The following NF1 variants were observed in gnomAD, a reference collection of about 807,000 sequenced individuals.
NF1 encodes neurofibromin.
In NF1, 122 loss-of-function variants were observed where a neutral mutation model predicts 325.7. The observed-to-expected ratio is 0.37, with a 90% confidence interval of 0.32 to 0.44. NF1 has a LOEUF of 0.44. NF1 is among the 20% of genes least tolerant of loss of function. NF1 has a pLI of 1.00. For synonymous variants in NF1, 1,091 were observed against 1,186.0 expected (o/e 0.92, Z 1.65); for missense variants, 2,140 against 3,415.4 (o/e 0.63, Z 9.31).
rs959783107 is a variant in NF1, at chr17:31,373,889, C to T, written c.8378-124C>T. ...GTAAGTACACTCCACAATATTTGCACAGACAAAATCGCCTAATGATTGTTT... is the reference window on the plus strand; with the variant it reads ...GTAAGTACACTCCACAATATTTGCATAGACAAAATCGCCTAATGATTGTTT... On this transcript the variant is annotated intron_variant, in intron 57 of 57. Coordinates refer to ENST00000358273, the MANE Select transcript of NF1 (RefSeq NM_001042492.3). 3 of 1,212,358 alleles carry T rather than the reference C, an allele frequency of 2.5e-6. No individual in the cohort carries two copies. The African/African-American group carries it at 4.5e-5, about 18-fold the overall frequency. The allele number at this position is 1,212,358 out of a possible 1,614,324, so 75.1% of individuals were successfully genotyped here.
intron 14 of NF1, among the ~76,000 whole-genome samples, chr17:31,220,901 C>T (rs901782913): frequency 6.6e-6 from 1 of 151,822 alleles, no homozygotes. Context: ...GTTGTTTTTC[C>T]TTGATATGAG....
chr17:31,143,291 G>A (rs138349673), intron 1 of NF1, among the ~76,000 whole-genome samples: 1,519 of 151,726 alleles, frequency 0.01, 32 homozygotes, highest in African/African-American at 0.033. Flanking sequence ...TCTTTGAGAC[G>A]GGTCTTGTTC....
chr17:31,227,329 C>T lies in NF1; in HGVS notation c.2325+38C>T, dbSNP rs754673161. On this transcript the variant is annotated intron_variant, in intron 19 of 57. Transcript: ENST00000358273. ...CAACAGAAACACCCCTCCCAGGCGCCCACCCTCAATTTGGAAGCCTCTTGT... is the reference window on the plus strand; with the variant it reads ...CAACAGAAACACCCCTCCCAGGCGCTCACCCTCAATTTGGAAGCCTCTTGT... The T allele has an allele frequency of 3.3e-5, 53 of 1,604,376 alleles. 1 individual carries two copies. The Middle Eastern group carries it at 9.9e-4, about 30-fold the overall frequency.
chr17:31,289,780 T>G (rs767982452), intron 36 of NF1, among the ~76,000 whole-genome samples: 2 of 152,208 alleles, frequency 1.3e-5, no homozygotes, highest in South Asian at 2.1e-4. Context: ...GGCAAAAGTT[T>G]AAATGCCTTA....
At position 31,326,078 on chromosome 17, in the gene NF1, T is replaced by G; in HGVS notation, c.5094T>G (p.Thr1698=). Residue 1698 remains threonine (T), a synonymous_variant, in exon 37 of 58, where the codon ACT becomes ACG. Coordinates refer to ENST00000358273, the MANE Select transcript of NF1 (RefSeq NM_001042492.3). ...CCAAGTATCATGAGCGGCTGCTGACTGGCCTCAAAGGTAGCAAAAGGCTTG... is the reference window on the plus strand; with the variant it reads ...CCAAGTATCATGAGCGGCTGCTGACGGGCCTCAAAGGTAGCAAAAGGCTTG... ...EYTKYHERLL[T]GLKGSKRLVF... The G allele has an allele frequency of 6.2e-7, 1 of 1,614,036 alleles. No homozygotes were observed. The highest frequency in any genetic ancestry group is 2.2e-5 in the East Asian group (1 of 44,880).
At chr17:31,141,988 AC>A (rs1412169302) in intron 1 of NF1, among the ~76,000 whole-genome samples, 3 of 152,040 alleles carry the variant, frequency 2.0e-5, no homozygotes, top group African/African-American at 7.2e-5. Context: ...TTTAATGTAA[AC>A]CCTACCCCCA....
At chr17:31,319,569 CT>C (rs955287888) in intron 36 of NF1, among the ~76,000 whole-genome samples, 7 of 150,912 alleles carry the variant, frequency 4.6e-5, no homozygotes, top group Middle Eastern at 3.2e-3. Flanking sequence ...TCAAGGTGTT[CT>C]TTTTTTTTCT....
Position 31,163,372 on chromosome 17 carries a change from A to C in NF1, c.475A>C (p.Thr159Pro), listed in dbSNP as rs371192107. ...CAATGCAGTCTTTAGTCGCATTTCT[A>C]CCAGGTTAGTGTGTAAATCCACATG... ...NFNAVFSRIS[T>P]RLQELTVCSE... Residue 159 changes from threonine (T) to proline (P), a missense_variant, in exon 4 of 58, where the codon ACC (threonine) becomes CCC (proline). Physicochemically the swap from Thr to Pro is conservative, Grantham distance 38 (BLOSUM62 -1). Around this residue, in one of 10 missense-constraint regions of NF1, gnomAD observed 246 missense variants for 347.8 expected, o/e 0.71. Transcript: ENST00000358273. The C allele has an allele frequency of 6.2e-7, 1 of 1,613,990 alleles. No individual in the cohort carries two copies. Among genetic ancestry groups the C allele is most frequent in the Non-Finnish European group, 8.5e-7 (1 of 1,179,884 alleles).
chr17:31,151,167 G>C (rs1017496218), intron 1 of NF1, among the ~76,000 whole-genome samples: 2 of 152,090 alleles, frequency 1.3e-5, no homozygotes, highest in African/African-American at 4.8e-5. Flanking sequence ...TCTATGTTTA[G>C]ATACACAAAC....
intron 23 of NF1, 70 bp from the exon 24 acceptor site, chr17:31,230,772 C>A: frequency 8.5e-7 from 1 of 1,175,598 alleles, no homozygotes; most frequent in East Asian, 2.5e-5. Flanking sequence ...AGAAATCTTA[C>A]GTGACTAAAG....
rs367995992 is a variant in NF1, at chr17:31,287,265, T to C, written c.4835+21926T>C. Among the ~76,000 whole-genome samples, 32 of 152,372 alleles carry C rather than the reference T, an allele frequency of 2.1e-4. 1 individual carries two copies. The South Asian group carries it at 5.0e-3, about 24-fold the overall frequency. On this transcript the variant is annotated intron_variant, in intron 36 of 57. Transcript: ENST00000358273. ...GATAGTAATCATTAAAATGGTTATA[T>C]AGCACCCACAAAGTGCTTTAATATA...
rs535869486 is a variant in NF1 at position 31,225,114 on chromosome 17, G to A, written c.1865G>A (p.Cys622Tyr). 1.2e-6 allele frequency: 2 copies of A among 1,613,532 alleles called. No homozygotes were observed. Among genetic ancestry groups the A allele is most frequent in the South Asian group, 1.1e-5 (1 of 91,060 alleles). ...LKNKQADRSS[C>Y]HFLLFYGVGC... Reference sequence around the variant, plus strand: ...TTCTAGCAGGCAGATAGAAGTTCCTGTCACTTTCTCCTTTTTTACGGGGTA... The same window carrying A: ...TTCTAGCAGGCAGATAGAAGTTCCTATCACTTTCTCCTTTTTTACGGGGTA... The change falls in exon 17 of 58, where the codon TGT becomes TAT. Residue 622 changes from cysteine (C) to tyrosine (Y), a missense_variant. Cys to Tyr is a radical substitution (Grantham distance 194, BLOSUM62 -2). Around this residue, in one of 10 missense-constraint regions of NF1, gnomAD observed 45 missense variants for 42.5 expected, o/e 1.06. Coordinates refer to ENST00000358273, the MANE Select transcript of NF1 (RefSeq NM_001042492.3).
intron 36 of NF1, chr17:31,321,356 A>G (rs994968148): frequency 3.9e-5 from 6 of 152,182 alleles, no homozygotes; most frequent in Admixed American, 6.5e-5. Flanking sequence ...CAGGACAGAA[A>G]AAAAAAGTAT....
At chr17:31,351,863 T>G (rs1244663466) in intron 50 of NF1, among the ~76,000 whole-genome samples, 1 of 151,688 alleles carries the variant, frequency 6.6e-6, no homozygotes, top group East Asian at 1.9e-4. Flanking sequence ...TTTTGGGGTT[T>G]TTTTTTTTTT....
chr17:31,223,588 A>T (rs79144187), intron 16 of NF1, 21 bp downstream of exon 16: 2 of 1,603,198 alleles, frequency 1.2e-6, no homozygotes, highest in South Asian at 1.1e-5. Flanking sequence ...TGACATATTT[A>T]AAAAATGGAA....
chr17:31,331,912 A>AG (rs1567614341), intron 39 of NF1: 1 of 131,958 alleles, frequency 7.6e-6, no homozygotes, highest in Non-Finnish European at 1.6e-5. Context: ...ATTAAAAAAA[A>AG]AAAAAAAAAA....
intron 47 of NF1, 114 bp from the exon 48 acceptor site, chr17:31,342,890 TTTCTC>T (rs2069860229): frequency 7.7e-7 from 1 of 1,297,516 alleles, no homozygotes; most frequent in Non-Finnish European, 1.1e-6. Flanking sequence ...CTGAAAATAA[TTTCTC>T]TCAAATTGAA....
chr17:31,256,629 A>C (rs1274078221), intron 31 of NF1, among the ~76,000 whole-genome samples: 7 of 152,188 alleles, frequency 4.6e-5, no homozygotes, highest in African/African-American at 1.4e-4. Flanking sequence ...GGAATAGTCA[A>C]AGCACTGGAA....
rs113874284 is a variant in NF1 at position 31,302,783 on chromosome 17, T to C, written c.4836-23037T>C. 8.5e-3 allele frequency among the ~76,000 whole-genome samples: 1,287 copies of C among 152,230 alleles called. 26 individuals carry two copies. The highest frequency in any genetic ancestry group is 0.03 in the African/African-American group (1,228 of 41,542). ...CCCCTTTAACGTGGGAGGCGGAGGT[T>C]GCAGTGAGCCAAGATCATGCCACTG... On this transcript the variant is annotated intron_variant, in intron 36 of 57. Coordinates refer to ENST00000358273, the MANE Select transcript of NF1 (RefSeq NM_001042492.3).
Sources: allele counts gnomAD v4.1 joint callset (sites outside exome capture counted in the v4.1 genomes callset), GRCh38; gene constraint gnomAD v4.1.1; regional missense constraint gnomAD v4.1.1; transcripts MANE v1.5; gene names NCBI Gene and HGNC (gene_info 2026-07-23, HGNC 2026-07-21).